PRKCZ: variants seen among roughly 807,000 people sequenced by gnomAD.
The protein encoded by PRKCZ is protein kinase C zeta type.
A neutral mutation model predicts 79.5 loss-of-function variants in PRKCZ; 33 were observed. That is an observed-to-expected ratio of 0.41 (90% confidence interval 0.31 to 0.55). PRKCZ has a LOEUF of 0.55. PRKCZ is among the 20% of genes least tolerant of loss of function. The pLI, the probability that PRKCZ is intolerant of heterozygous loss-of-function variation, is 0.19. For missense variants in PRKCZ, 578 were observed against 813.5 expected (o/e 0.71, Z 3.52); for synonymous variants, 342 against 320.9 (o/e 1.07, Z -0.70).
rs546090958 is a variant in PRKCZ, at chr1:2,103,577, C to T, written c.335-31685C>T. Among the ~76,000 whole-genome samples, 4 of 152,206 alleles carry T rather than the reference C, an allele frequency of 2.6e-5. No individual in the cohort carries two copies. In the South Asian group the frequency reaches 6.2e-4, roughly 24 times the overall value. ...TACTTTTCCTCATCAGCACAAACCCCGCTTCCTTGAAGAGAAGCGTGAGGC... is the reference window on the plus strand; with the variant it reads ...TACTTTTCCTCATCAGCACAAACCCTGCTTCCTTGAAGAGAAGCGTGAGGC... On this transcript the variant is annotated intron_variant, in intron 4 of 17. Coordinates refer to ENST00000378567, the MANE Select transcript of PRKCZ (RefSeq NM_002744.6).
At chr1:2,055,116 G>C (rs949837065) in intron 1 of PRKCZ, among the ~76,000 whole-genome samples, 2 of 151,924 alleles carry the variant, frequency 1.3e-5, no homozygotes, top group Non-Finnish European at 2.9e-5. Flanking sequence ...CTAATTTTTT[G>C]TATTTTTAGT....
In PRKCZ at chr1:2,177,903, G is replaced by A. The variant is rs1223028271; in HGVS notation, c.1575+2590G>A. On this transcript the variant is annotated intron_variant, in intron 16 of 17. Transcript: ENST00000378567. This position sits in a 1 kb window ranked among gnomAD's most constrained non-coding sequence, Gnocchi z 6.4. ...GACTGCCAGCCCTGCCTCTGCCACCGACCGCCGGCCCTGCCTCTGCCACCG... is the reference window on the plus strand; with the variant it reads ...GACTGCCAGCCCTGCCTCTGCCACCAACCGCCGGCCCTGCCTCTGCCACCG... 1.3e-5 allele frequency among the ~76,000 whole-genome samples: 2 copies of A among 150,354 alleles called. No homozygotes were observed. Among genetic ancestry groups the A allele is most frequent in the African/African-American group, 5.0e-5 (2 of 39,866 alleles).
At chr1:2,073,835 A>C in intron 4 of PRKCZ, 1 of 1,046,092 alleles carries the variant, frequency 9.6e-7, no homozygotes, top group Non-Finnish European at 1.2e-6. Flanking sequence ...CCGACGCAGC[A>C]TCAGCTCGTC....
chr1:2,084,673 G>A (rs933233248), intron 4 of PRKCZ, among the ~76,000 whole-genome samples: 8 of 152,170 alleles, frequency 5.3e-5, no homozygotes, highest in Non-Finnish European at 1.0e-4. Flanking sequence ...GCCCAGCATC[G>A]GGTCTGTGTG....
chr1:2,173,832 G>A lies in PRKCZ; in HGVS notation c.1286-65G>A. 1 of 1,512,234 alleles carries A rather than the reference G, an allele frequency of 6.6e-7. No homozygotes were observed. Among genetic ancestry groups the A allele is most frequent in the Non-Finnish European group, 8.9e-7 (1 of 1,125,586 alleles). 93.7% of individuals were successfully genotyped at this position (1,512,234 alleles called of 1,614,324 possible). ...CAACTGGGCATGAAAACCAACGCCA[G>A]CCAGGTTCGTCCTGCTGCCGGCCCA... On this transcript the variant is annotated intron_variant, in intron 13 of 17. Coordinates refer to ENST00000378567, the MANE Select transcript of PRKCZ (RefSeq NM_002744.6). This position sits in a 1 kb window ranked among gnomAD's most constrained non-coding sequence, Gnocchi z 5.7.
At chr1:2,056,420 C>T (rs1232905408) in intron 2 of PRKCZ, 64 bp from the exon 3 acceptor site, 1 of 1,459,386 alleles carries the variant, frequency 6.9e-7, no homozygotes, top group South Asian at 1.2e-5. Context: ...GCTGAGCGGG[C>T]TCGTCACAGC....
chr1:2,076,866 G>A (rs1270201751), intron 4 of PRKCZ, among the ~76,000 whole-genome samples: 1 of 152,196 alleles, frequency 6.6e-6, no homozygotes, highest in Non-Finnish European at 1.5e-5. Flanking sequence ...GAGACGCTGT[G>A]GCAGAGCCCC....
chr1:2,083,359 G>T (rs541856134), intron 4 of PRKCZ, among the ~76,000 whole-genome samples: 1 of 152,264 alleles, frequency 6.6e-6, no homozygotes, highest in Non-Finnish European at 1.5e-5. Context: ...AATTACTGTG[G>T]TCCTCAAAGA....
In PRKCZ at chr1:2,125,227, G is replaced by A. The variant is rs74534542; in HGVS notation, c.335-10035G>A. Among the ~76,000 whole-genome samples the A allele has an allele frequency of 1.7e-3, 252 of 152,318 alleles. 6 individuals carry two copies. In the East Asian group the frequency reaches 0.044, roughly 26 times the overall value. ...CTTACATAGAAAGGAGCGGTATTTGGTATGAATTTATTTGCAACTGACTGC... is the reference window on the plus strand; with the variant it reads ...CTTACATAGAAAGGAGCGGTATTTGATATGAATTTATTTGCAACTGACTGC... On this transcript the variant is annotated intron_variant, in intron 4 of 17. Coordinates refer to ENST00000378567, the MANE Select transcript of PRKCZ (RefSeq NM_002744.6). The surrounding 1 kb of genome is among the most constrained non-coding windows in gnomAD (Gnocchi z 4.2).
At chr1:2,054,023 C>G (rs1659929161) in intron 1 of PRKCZ, among the ~76,000 whole-genome samples, 1 of 152,100 alleles carries the variant, frequency 6.6e-6, no homozygotes, top group Non-Finnish European at 1.5e-5. Context: ...TGGGTGAGGC[C>G]TGTGGGGCAG....
In PRKCZ at chr1:2,082,659, C is replaced by T. The variant is rs912691046; in HGVS notation, c.334+23068C>T. Reference sequence around the variant, plus strand: ...CAGTGAAGGTGGAGTTGGGCAAGGGCGTACACGGTCGGCTTCTGAGAGTTG... The same window carrying T: ...CAGTGAAGGTGGAGTTGGGCAAGGGTGTACACGGTCGGCTTCTGAGAGTTG... On this transcript the variant is annotated intron_variant, in intron 4 of 17. Transcript: ENST00000378567. The surrounding 1 kb of genome is among the most constrained non-coding windows in gnomAD (Gnocchi z 4.4). 2.6e-5 allele frequency among the ~76,000 whole-genome samples: 4 copies of T among 152,156 alleles called. No individual in the cohort carries two copies. Among genetic ancestry groups the T allele is most frequent in the Admixed American group, 1.3e-4 (2 of 15,276 alleles).
In PRKCZ at chr1:2,173,837, G is replaced by A; in HGVS notation, c.1286-60G>A. The stretch of plus-strand genomic sequence containing the variant: ...GGGCATGAAAACCAACGCCAGCCAG[G>A]TTCGTCCTGCTGCCGGCCCATGTGG... On this transcript the variant is annotated intron_variant, in intron 13 of 17. Transcript: ENST00000378567. This position sits in a 1 kb window ranked among gnomAD's most constrained non-coding sequence, Gnocchi z 5.7. 1 of 1,516,442 alleles carries A rather than the reference G, an allele frequency of 6.6e-7. No homozygotes were observed. Among genetic ancestry groups the A allele is most frequent in the South Asian group, 1.3e-5 (1 of 78,592 alleles). 93.9% of individuals were successfully genotyped at this position (1,516,442 alleles called of 1,614,324 possible). A position where few individuals can be genotyped will look rare whatever the true frequency, so the allele number is the denominator to read the frequency against.
At chr1:2,079,861 CG>C (rs1663154220) in intron 4 of PRKCZ, among the ~76,000 whole-genome samples, 1 of 152,084 alleles carries the variant, frequency 6.6e-6, no homozygotes, top group African/African-American at 2.4e-5. Flanking sequence ...CTGGTGGTGG[CG>C]GAAGTCCCCA....
intron 5 of PRKCZ, among the ~76,000 whole-genome samples, chr1:2,139,132 C>G (rs1371536202): frequency 6.6e-6 from 1 of 152,162 alleles, no homozygotes; most frequent in East Asian, 1.9e-4. Flanking sequence ...TGAAGAGCTC[C>G]TACACAAAGG....
chr1:2,077,101 T>G (rs1465661263), intron 4 of PRKCZ, among the ~76,000 whole-genome samples: 1 of 152,188 alleles, frequency 6.6e-6, no homozygotes, highest in African/African-American at 2.4e-5. Context: ...AACAGATCCC[T>G]GCTGCCGGTT....
chr1:2,083,474 A>G (rs930403512), intron 4 of PRKCZ, among the ~76,000 whole-genome samples: 2 of 152,250 alleles, frequency 1.3e-5, no homozygotes, highest in African/African-American at 4.8e-5. Context: ...GATTAATTAG[A>G]TTAATTCTAA....
At chr1:2,088,999 A>G (rs759317050) in intron 4 of PRKCZ, among the ~76,000 whole-genome samples, 5 of 152,206 alleles carry the variant, frequency 3.3e-5, no homozygotes, top group Non-Finnish European at 7.3e-5. Flanking sequence ...CTTCTATACT[A>G]TTAGTTTTTA....
chr1:2,157,322 C>G (rs1681263605), intron 10 of PRKCZ, among the ~76,000 whole-genome samples: 1 of 152,134 alleles, frequency 6.6e-6, no homozygotes, highest in Non-Finnish European at 1.5e-5. Flanking sequence ...TCAAGGTGAC[C>G]GTTGAATTCA....
intron 4 of PRKCZ, among the ~76,000 whole-genome samples, chr1:2,115,344 C>G (rs1203404531): frequency 6.6e-6 from 1 of 152,224 alleles, no homozygotes; most frequent in Non-Finnish European, 1.5e-5. Flanking sequence ...TTCTGTTGCC[C>G]GTGGCGCATC....
Sources: allele counts gnomAD v4.1 joint callset (sites outside exome capture counted in the v4.1 genomes callset), GRCh38; gene constraint gnomAD v4.1.1; non-coding constraint Gnocchi (gnomAD v3.1); transcripts MANE v1.5; gene names NCBI Gene and HGNC (gene_info 2026-07-23, HGNC 2026-07-21).